The following RGS12 variants were observed in gnomAD, a reference collection of about 807,000 sequenced individuals.
RGS12 encodes regulator of G-protein signaling 12.
A neutral mutation model predicts 120.1 loss-of-function variants in RGS12; 66 were observed. The ratio of observed to expected loss-of-function variants is 0.55; its 90% CI spans 0.45 to 0.67. The LOEUF is 0.67. RGS12 is among the 30% of genes least tolerant of loss of function. The pLI is 0.00. For synonymous variants in RGS12, 827 were observed against 804.7 expected (o/e 1.03, Z -0.47); for missense variants, 1,859 against 1,957.7 (o/e 0.95, Z 0.95).
In RGS12 at chr4:3,430,888, C is replaced by T; in HGVS notation, c.4047C>T (p.Ser1349=). Residue 1349 remains serine, a synonymous_variant, in exon 17 of 18, where the codon AGC becomes AGT. Coordinates refer to ENST00000336727, the MANE Select transcript of RGS12 (RefSeq NM_001394154.1). ...CCCTGATGGGGGAGGGGGACATCAG[C>T]AGCCCCAACAGCACCTTGCTGCCGC... is the stretch of plus-strand genomic sequence containing the variant. ...ELTLMGEGDI[S]SPNSTLLPPP... is the part of the protein sequence containing the mutation. 1 of 1,612,630 alleles carries T rather than the reference C, an allele frequency of 6.2e-7. No individual in the cohort carries two copies. Among genetic ancestry groups the T allele is most frequent in the Non-Finnish European group, 8.5e-7 (1 of 1,179,856 alleles).
intron 2 of RGS12, among the ~76,000 whole-genome samples, chr4:3,332,729 C>T (rs928247917): frequency 2.6e-5 from 4 of 152,238 alleles, no homozygotes; most frequent in Non-Finnish European, 5.9e-5. Flanking sequence ...GCTGGTTGTG[C>T]ACTTCGCACG....
intron 1 of RGS12, among the ~76,000 whole-genome samples, chr4:3,307,589 G>T (rs540319472): frequency 4.0e-4 from 61 of 152,282 alleles, no homozygotes; most frequent in African/African-American, 1.4e-3. Context: ...AGTCAAATAG[G>T]TTCTTGGCAC....
In RGS12 at chr4:3,374,850, A is replaced by G. The variant is rs1717465292; in HGVS notation, c.1999-11566A>G. ...CCTAGCCGCCCCTGCTCTTTGCCCC[A>G]TGGCTTTCTGCCTTGGACTGGGCTC... On this transcript the variant is annotated intron_variant, in intron 3 of 17. Transcript: ENST00000336727. This position sits in a 1 kb window ranked among gnomAD's most constrained non-coding sequence, Gnocchi z 6.3. Among the ~76,000 whole-genome samples the G allele has an allele frequency of 6.6e-6, 1 of 152,028 alleles. No homozygotes were observed. The highest frequency in any genetic ancestry group is 6.5e-5 in the Admixed American group (1 of 15,274).
intron 4 of RGS12, among the ~76,000 whole-genome samples, chr4:3,410,816 C>G (rs951560896): frequency 3.3e-5 from 5 of 152,204 alleles, no homozygotes; most frequent in African/African-American, 1.2e-4. Context: ...TACCTGGTGG[C>G]TGCCTGTACC....
At chr4:3,406,482 C>T (rs1327777958) in intron 4 of RGS12, among the ~76,000 whole-genome samples, 1 of 152,212 alleles carries the variant, frequency 6.6e-6, no homozygotes, top group African/African-American at 2.4e-5. Flanking sequence ...GGTCAACAAA[C>T]AGCGCCTTCA....
intron 1 of RGS12, among the ~76,000 whole-genome samples, chr4:3,302,597 CA>C (rs1163831565): frequency 6.6e-6 from 1 of 152,206 alleles, no homozygotes; most frequent in Admixed American, 6.5e-5. Flanking sequence ...CTGCCCCTTG[CA>C]CGGGGGCCTG....
intron 4 of RGS12, among the ~76,000 whole-genome samples, chr4:3,411,806 C>T (rs1332574729): frequency 6.6e-6 from 1 of 152,284 alleles, no homozygotes; most frequent in Non-Finnish European, 1.5e-5. Flanking sequence ...TTGAGGGAGC[C>T]TCACATGGCC....
chr4:3,286,247 G>T, the RGS12 span, among the ~76,000 whole-genome samples: 15 of 152,338 alleles, frequency 9.8e-5, no homozygotes, highest in East Asian at 1.7e-3. Context: ...CTAAGGGCAG[G>T]TCTTCTGCCC....
rs991865664 is a variant in RGS12, at chr4:3,372,439, C to T, written c.1999-13977C>T. Among the ~76,000 whole-genome samples, 3 of 152,346 alleles carry T rather than the reference C, an allele frequency of 2.0e-5. No homozygotes were observed. The highest frequency in any genetic ancestry group is 2.1e-4 in the South Asian group (1 of 4,826). On this transcript the variant is annotated intron_variant, in intron 3 of 17. Transcript: ENST00000336727. The surrounding 1 kb of genome is among the most constrained non-coding windows in gnomAD (Gnocchi z 4.3). ...CCCAGGTGAAGGCCCTGCTGGCGCACGGCTGGACAAGCATGACAGTTGTCG... is the reference window on the plus strand; with the variant it reads ...CCCAGGTGAAGGCCCTGCTGGCGCATGGCTGGACAAGCATGACAGTTGTCG...
At chr4:3,438,759 C>T (rs976650246) in intron 17 of RGS12, among the ~76,000 whole-genome samples, 2 of 151,856 alleles carry the variant, frequency 1.3e-5, no homozygotes, top group Admixed American at 6.6e-5. Context: ...TTCAGGCAGC[C>T]GGGATCTCCT....
chr4:3,363,073 G>T (rs1715878825), intron 3 of RGS12, among the ~76,000 whole-genome samples: 1 of 151,114 alleles, frequency 6.6e-6, no homozygotes, highest in African/African-American at 2.4e-5. Context: ...GAAATAGTGT[G>T]TGCGCATGTG....
the RGS12 span, among the ~76,000 whole-genome samples, chr4:3,287,074 A>G: frequency 4.6e-5 from 7 of 152,166 alleles, no homozygotes; most frequent in African/African-American, 1.4e-4. Flanking sequence ...AGGGGCACCT[A>G]GTTCTTTTAT....
Position 3,423,529 on chromosome 4 carries a change from C to T in RGS12, c.3122C>T (p.Pro1041Leu), listed in dbSNP as rs1723263531. Residue 1041 changes from proline to leucine, a missense_variant, in exon 13 of 18, where the codon CCG (proline) becomes CTG (leucine). Transcript: ENST00000336727. ...TCCCCCACCAGGCTGGATCTTGTTC[C>T]GATTAACCGGTCAGTGGGACTCAAG... ...KRTLFRLDLVPINRSVGLKAK... is the reference protein window; with the variant it reads ...KRTLFRLDLVLINRSVGLKAK... 11 of 1,613,092 alleles carry T rather than the reference C, an allele frequency of 6.8e-6. No individual in the cohort carries two copies. The highest frequency in any genetic ancestry group is 9.3e-6 in the Non-Finnish European group (11 of 1,179,882).
chr4:3,289,813 A>C (rs540469182), upstream of RGS12, among the ~76,000 whole-genome samples: 40 of 152,254 alleles, frequency 2.6e-4, no homozygotes, highest in Admixed American at 2.2e-3. Context: ...TGTCTCCCCA[A>C]TTCCTACCCA....
intron 7 of RGS12, 45 bp downstream of exon 7, chr4:3,416,166 T>C: frequency 6.2e-7 from 1 of 1,608,156 alleles, no homozygotes; most frequent in Non-Finnish European, 8.5e-7. Flanking sequence ...AGGCTAGGGC[T>C]CGGGGTATAG....
intron 17 of RGS12, among the ~76,000 whole-genome samples, chr4:3,438,522 G>A (rs571087174): frequency 3.9e-5 from 6 of 152,140 alleles, no homozygotes; most frequent in Non-Finnish European, 7.4e-5. Flanking sequence ...AGCTCCGGGC[G>A]GCACATGAAC....
rs1421202162 is a variant in RGS12, at chr4:3,317,711, C to T, written c.1541C>T (p.Ser514Phe). ...TCTCCTGTGGAGGTGCCCCCAGCTT[C>T]CTTGAGGAGCTCAGTCCCCCCTTCC... ...PASPVEVPPA[S>F]LRSSVPPSKR... Residue 514 changes from serine to phenylalanine, a missense_variant, in exon 2 of 18, where the codon TCC becomes TTC. Around this residue, in one of 3 missense-constraint regions of RGS12, gnomAD observed 967 missense variants for 994.2 expected, o/e 0.97. Coordinates refer to ENST00000336727, the MANE Select transcript of RGS12 (RefSeq NM_001394154.1). 2 of 1,613,354 alleles carry T rather than the reference C, an allele frequency of 1.2e-6. No homozygotes were observed. Among genetic ancestry groups the T allele is most frequent in the South Asian group, 1.1e-5 (1 of 91,074 alleles).
chr4:3,399,873 AGTGTT>A (rs1720405367), intron 4 of RGS12, among the ~76,000 whole-genome samples: 1 of 152,220 alleles, frequency 6.6e-6, no homozygotes, highest in South Asian at 2.1e-4. Flanking sequence ...TTTTGTTCTA[AGTGTT>A]TTCCTCCAGG....
intron 1 of RGS12, among the ~76,000 whole-genome samples, chr4:3,308,380 G>T (rs1724089642): frequency 6.6e-6 from 1 of 152,118 alleles, no homozygotes; most frequent in Non-Finnish European, 1.5e-5. Context: ...AAGCGTGTTG[G>T]CTCGGCGCTC....
Sources: gnomAD v4.1 joint callset for allele counts (sites outside exome capture counted in the v4.1 genomes callset) on GRCh38, gnomAD v4.1.1 for gene constraint, gnomAD v4.1.1 regional missense constraint, Gnocchi (gnomAD v3.1) non-coding constraint, MANE v1.5 for transcripts, NCBI Gene and HGNC (gene_info 2026-07-23, HGNC 2026-07-21) for gene names.